PATL2: variants seen among roughly 807,000 people sequenced by gnomAD.
PATL2 encodes the protein protein PAT1 homolog 2.
In PATL2, 73 loss-of-function variants were observed where a neutral mutation model predicts 77.0. The observed-to-expected ratio is 0.95, with a 90% CI of 0.78 to 1.15. PATL2 has a LOEUF of 1.15. Ranked by LOEUF, PATL2 falls within the 50% of genes most tolerant of loss-of-function variation. The pLI, the probability that PATL2 is intolerant of heterozygous loss-of-function variation, is 0.00. For synonymous variants in PATL2, 265 were observed against 257.1 expected, an observed-to-expected ratio of 1.03 and a Z score of -0.29; for missense variants, 618 against 655.4, an observed-to-expected ratio of 0.94 and a Z score of 0.62.
chr15:44,683,493 G>A (rs2086182258), intron 3 of PATL2, among the ~76,000 whole-genome samples: 1 of 152,184 alleles, frequency 6.6e-6, no homozygotes, highest in Non-Finnish European at 1.5e-5. Flanking sequence ...ACTGGGTGGA[G>A]TCCACTGCAG....
chr15:44,699,339 T>G (rs1195388767), intron 3 of PATL2, among the ~76,000 whole-genome samples: 1 of 152,096 alleles, frequency 6.6e-6, no homozygotes, highest in African/African-American at 2.4e-5. Flanking sequence ...GGTCTTAGAT[T>G]TAAGTCTTTT....
chr15:44,708,049 C>G (rs2086776828), intron 3 of PATL2, among the ~76,000 whole-genome samples: 1 of 152,246 alleles, frequency 6.6e-6, no homozygotes, highest in African/African-American at 2.4e-5. Context: ...AATCACTGCA[C>G]TCTTCCTCTC....
intron 3 of PATL2, among the ~76,000 whole-genome samples, chr15:44,682,209 T>C (rs1036022343): frequency 1.3e-5 from 2 of 152,248 alleles, no homozygotes; most frequent in African/African-American, 2.4e-5. Context: ...ATTGTCTTTA[T>C]TGAATGGTCT....
rs1276151137 is a variant in PATL2, at chr15:44,668,439, T to C, written c.1268A>G (p.His423Arg). Residue 423 changes from histidine to arginine, a missense_variant, in exon 15 of 18, where the codon CAC becomes CGC. Coordinates refer to ENST00000682850, the MANE Select transcript of PATL2 (RefSeq NM_001387263.1). ...TTGGAGGAGTTCGTGGAGGGTCAAG[T>C]GACTAATACATTTGCCCAGAGGTTT... ...LFKPLGKCIS[H>R]LTLHELLQGL... The C allele has an allele frequency of 3.9e-6, 6 of 1,551,238 alleles. No individual in the cohort carries two copies. The highest frequency in any genetic ancestry group is 5.2e-6 in the Non-Finnish European group (6 of 1,146,966).
chr15:44,675,730 G>T, intron 4 of PATL2, 39 bp from the exon 5 acceptor site: 3 of 1,503,326 alleles, frequency 2.0e-6, no homozygotes, highest in Non-Finnish European at 2.7e-6. Context: ...GGTAAGATGG[G>T]GCTCAGCTGT....
chr15:44,695,141 A>G (rs1258908640), intron 3 of PATL2, among the ~76,000 whole-genome samples: 1 of 151,686 alleles, frequency 6.6e-6, no homozygotes, highest in Non-Finnish European at 1.5e-5. Context: ...TGAGCCGAAG[A>G]TTGCACCATT....
At position 44,676,365 on chromosome 15, in the gene PATL2, T is replaced by C. The variant is rs1017979349; in HGVS notation, c.16+110A>G. On this transcript the variant is annotated intron_variant, in intron 4 of 17. Transcript: ENST00000682850. ...ATGATATAATTAGCAAGTGGAAGAA[T>C]TTGGAATAACTTCCAGTGACTCTGG... 28 of 999,748 alleles carry C rather than the reference T, an allele frequency of 2.8e-5. No homozygotes were observed. The African/African-American group carries it at 4.2e-4, about 15-fold the overall frequency. The allele number at this position is 999,748 out of a possible 1,614,324, so 61.9% of individuals were successfully genotyped here.
At position 44,672,090 on chromosome 15, in the gene PATL2, C is replaced by G. The variant is rs1312122789; in HGVS notation, c.582G>C (p.Glu194Asp). Residue 194 changes from glutamate (E) to aspartate (D), a missense_variant, in exon 9 of 18, where the codon GAG becomes GAC. Coordinates refer to ENST00000682850, the MANE Select transcript of PATL2 (RefSeq NM_001387263.1). ...DPYANLMTRK[E>D]KDWVIKVQMV... The stretch of plus-strand genomic sequence containing the variant: ...TCTGCACTTTTATCACCCAGTCCTT[C>G]TCTTTTCTGGTCATGAGGTTAGCAT... The G allele has an allele frequency of 1.3e-6, 2 of 1,551,592 alleles. No individual in the cohort carries two copies. Among genetic ancestry groups the G allele is most frequent in the African/African-American group, 2.7e-5 (2 of 73,046 alleles).
chr15:44,668,848 TG>T, intron 14 of PATL2, 131 bp downstream of exon 14: 1 of 1,108,788 alleles, frequency 9.0e-7, no homozygotes, highest in Non-Finnish European at 1.2e-6. Context: ...TGCCTGAGGG[TG>T]GCAAGGCCAG....
intron 3 of PATL2, 97 bp from the exon 4 acceptor site, chr15:44,676,662 G>C: frequency 2.3e-6 from 3 of 1,289,836 alleles, no homozygotes; most frequent in Non-Finnish European, 3.2e-6. Flanking sequence ...AAGATGGTTA[G>C]AGAATTCTTG....
chr15:44,670,152 A>G (rs2085599712), intron 9 of PATL2, 65 bp from the exon 10 acceptor site: 1 of 1,529,672 alleles, frequency 6.5e-7, no homozygotes, highest in Non-Finnish European at 8.8e-7. Flanking sequence ...TGAATTTAGA[A>G]TTAAGTTTCT....
chr15:44,696,021 T>C (rs1265923721), intron 3 of PATL2, among the ~76,000 whole-genome samples: 1 of 152,054 alleles, frequency 6.6e-6, no homozygotes, highest in African/African-American at 2.4e-5. Context: ...AGCTGGAAAG[T>C]GGGAAGCTAT....
chr15:44,676,636 A>G (rs2085970144), intron 3 of PATL2, 71 bp from the exon 4 acceptor site: 3 of 1,379,262 alleles, frequency 2.2e-6, no homozygotes, highest in South Asian at 1.3e-5. Context: ...TAAAACAGCC[A>G]TGGAATCCTC....
At chr15:44,677,376 G>A (rs2086006467) in intron 3 of PATL2, among the ~76,000 whole-genome samples, 1 of 152,276 alleles carries the variant, frequency 6.6e-6, no homozygotes, top group South Asian at 2.1e-4. Flanking sequence ...ACTCAGCTCT[G>A]ACTGATGAGA....
chr15:44,701,478 T>C (rs909279668), intron 3 of PATL2, among the ~76,000 whole-genome samples: 5 of 151,842 alleles, frequency 3.3e-5, no homozygotes, highest in Non-Finnish European at 5.9e-5. Context: ...GGCAGATCAC[T>C]TGAGGCCAGG....
At chr15:44,678,532 A>T (rs959869241) in intron 3 of PATL2, among the ~76,000 whole-genome samples, 4 of 152,272 alleles carry the variant, frequency 2.6e-5, no homozygotes, top group Non-Finnish European at 4.4e-5. Context: ...TCATTATGTT[A>T]AGTTCAAGCC....
At position 44,672,141 on chromosome 15, in the gene PATL2, C is replaced by T. The variant is rs2085718040; in HGVS notation, c.531G>A (p.Lys177=). Residue 177 remains lysine (K), a synonymous_variant, in exon 9 of 18, where the codon AAG becomes AAA. Coordinates refer to ENST00000682850, the MANE Select transcript of PATL2 (RefSeq NM_001387263.1). ...HSQTPSPPAK[K]PWSQQPDPYA... is the part of the protein sequence containing the mutation. ...AGGGGTCTGGCTGCTGAGACCAAGG[C>T]TTCTTGGCTGGGGGACTTTAAGCCA... 1 of 1,551,730 alleles carries T rather than the reference C, an allele frequency of 6.4e-7. No homozygotes were observed. Among genetic ancestry groups the T allele is most frequent in the Non-Finnish European group, 8.7e-7 (1 of 1,147,008 alleles).
intron 3 of PATL2, among the ~76,000 whole-genome samples, chr15:44,700,950 A>G (rs780096466): frequency 2.0e-4 from 31 of 151,944 alleles, no homozygotes; most frequent in Non-Finnish European, 1.5e-4. Flanking sequence ...TTCTATGTCC[A>G]GTTTTTGGGG....
intron 3 of PATL2, among the ~76,000 whole-genome samples, chr15:44,698,123 C>G (rs958620627): frequency 6.7e-6 from 1 of 148,684 alleles, no homozygotes; most frequent in Non-Finnish European, 1.5e-5. Flanking sequence ...TTCATGGGTA[C>G]ATAATGGGTG....
Sources: allele counts gnomAD v4.1 joint callset (sites outside exome capture counted in the v4.1 genomes callset), GRCh38; gene constraint gnomAD v4.1.1; transcripts MANE v1.5; gene names NCBI Gene and HGNC (gene_info 2026-07-23, HGNC 2026-07-21).